MGAM: variants seen among roughly 807,000 people sequenced by gnomAD.
MGAM encodes the protein alpha-1,4-glucosidase.
Under a neutral mutation model 358.8 loss-of-function variants are expected in MGAM, and 253 were observed. The observed-to-expected ratio is 0.71, with a 90% CI of 0.64 to 0.78. The LOEUF (loss-of-function observed/expected upper bound fraction) is 0.78. MGAM is among the 30% of genes least tolerant of loss of function. MGAM has a pLI of 0.00. For synonymous variants in MGAM, 1,105 were observed against 1,227.1 expected (o/e 0.90, Z 2.08); for missense variants, 3,080 against 3,432.6 (o/e 0.90, Z 2.57).
At chr7:142,045,217 GTATATAATATATATTAT>G (rs1809978585) in intron 21 of MGAM, among the ~76,000 whole-genome samples, 1 of 63,486 alleles carries the variant, frequency 1.6e-5, no homozygotes, top group African/African-American at 5.6e-5. Context: ...TAACATATAT[GTATATAATATATATTAT>G]ATATCATATA....
intron 9 of MGAM, 93 bp from the exon 10 acceptor site, chr7:142,027,517 T>C (rs1178872466): frequency 3.7e-6 from 5 of 1,343,590 alleles, no homozygotes; most frequent in Non-Finnish European, 1.0e-6. Context: ...CATTGGGAAA[T>C]GGACTATGTT....
chr7:142,030,443 G>A lies in MGAM; in HGVS notation c.1303G>A (p.Glu435Lys). 1.9e-6 allele frequency: 3 copies of A among 1,613,644 alleles called. No homozygotes were observed. Among genetic ancestry groups the A allele is most frequent in the Non-Finnish European group, 2.5e-6 (3 of 1,179,722 alleles). Residue 435 changes from glutamate to lysine, a missense_variant, in exon 11 of 71, where the codon GAA becomes AAA. Around this residue, in one of 5 missense-constraint regions of MGAM, gnomAD observed 1,816 missense variants for 1,840.5 expected, o/e 0.99. Transcript: ENST00000475668. ...YDSVDFKGFP[E>K]FVNELHNNGQ... ...TTCAGTGGATTTTAAAGGCTTCCCTGAATTTGTCAACGAGTTACACAATAA... is the reference window on the plus strand; with the variant it reads ...TTCAGTGGATTTTAAAGGCTTCCCTAAATTTGTCAACGAGTTACACAATAA...
intron 63 of MGAM, 75 bp from the exon 64 acceptor site, chr7:142,095,490 A>G (rs1216778701): frequency 3.1e-6 from 5 of 1,597,456 alleles, no homozygotes; most frequent in East Asian, 2.2e-5. Context: ...CAATTGGAGT[A>G]TGCTTTCAGT....
chr7:142,035,139 T>G (rs1251450050), intron 16 of MGAM, among the ~76,000 whole-genome samples: 3 of 152,172 alleles, frequency 2.0e-5, no homozygotes, highest in Non-Finnish European at 4.4e-5. Context: ...CTGATGAATT[T>G]CACCACCTGA....
At chr7:142,092,644 T>A in intron 59 of MGAM, 36 bp downstream of exon 59, 1 of 1,481,516 alleles carries the variant, frequency 6.7e-7, no homozygotes, top group Non-Finnish European at 9.2e-7. Flanking sequence ...GGCAGAGCCA[T>A]GATTGAAAGA....
At chr7:142,071,459 G>A (rs1813341607) in intron 44 of MGAM, among the ~76,000 whole-genome samples, 1 of 146,442 alleles carries the variant, frequency 6.8e-6, no homozygotes, top group Admixed American at 6.9e-5. Flanking sequence ...GATTTTGAAA[G>A]ACTGTAATTC....
At chr7:142,041,979 T>C (rs1197242994) in intron 21 of MGAM, among the ~76,000 whole-genome samples, 1 of 14,394 alleles carries the variant, frequency 6.9e-5, no homozygotes, top group African/African-American at 2.0e-4. Context: ...ATTATATATA[T>C]ATAATATAAT....
Position 142,065,894 on chromosome 7 carries a change from G to T in MGAM, c.4770+63G>T, listed in dbSNP as rs147619394. On this transcript the variant is annotated intron_variant, in intron 40 of 70. Transcript: ENST00000475668. ...CTTGAAAGACAGTCTCCATTTCTGT[G>T]CTAAAAGTAATGCAGTCTCTATTTC... 6.7e-5 allele frequency: 86 copies of T among 1,277,308 alleles called. 1 individual carries two copies. In the African/African-American group the frequency reaches 1.2e-3, roughly 17 times the overall value. 79.1% of individuals were successfully genotyped at this position (1,277,308 alleles called of 1,614,324 possible).
chr7:142,034,601 T>C (rs986330354), intron 15 of MGAM, 69 bp from the exon 16 acceptor site: 2 of 1,406,132 alleles, frequency 1.4e-6, no homozygotes, highest in African/African-American at 1.4e-5. Flanking sequence ...TTTTGTATTG[T>C]TGCTGTATCC....
intron 65 of MGAM, among the ~76,000 whole-genome samples, chr7:142,097,089 C>T (rs4434539): frequency 0.62 from 93,494 of 151,776 alleles, 29,072 homozygotes; most frequent in Non-Finnish European, 0.66. Flanking sequence ...CCACCAGGCC[C>T]GGCCAATTTA....
Position 142,100,684 on chromosome 7 carries a change from G to T in MGAM, c.7875-118G>T. 3 of 814,214 alleles carry T rather than the reference G, an allele frequency of 3.7e-6. No individual in the cohort carries two copies. In the Admixed American group the frequency reaches 6.0e-5, roughly 16 times the overall value. The allele number at this position is 814,214 out of a possible 1,614,324, so 50.4% of individuals were successfully genotyped here. A position where few individuals can be genotyped will look rare whatever the true frequency, so the allele number is the denominator to read the frequency against. The stretch of plus-strand genomic sequence containing the variant: ...TAAGACACAAGTCTCTTGAATTCTA[G>T]TATGCAGTCTTTATCCCCCAAAGCA... On this transcript the variant is annotated intron_variant, in intron 67 of 70. Transcript: ENST00000475668.
rs1812521158 is a variant in MGAM, at chr7:142,064,393, C to T, written c.4355C>T (p.Ser1452Phe). ...NHPPYMPHLE[S>F]RDRGLSSKTL... ...AGTTCTTCCTCCTCAGATTTGGAGT[C>T]CAGGGACAGGGGCCTGAGCAGCAAG... is the stretch of plus-strand genomic sequence containing the variant. Residue 1452 changes from serine (S) to phenylalanine (F), a missense_variant, in exon 37 of 71, where the codon TCC (serine) becomes TTC (phenylalanine). Ser to Phe is a radical substitution (Grantham distance 155). Transcript: ENST00000475668. The T allele has an allele frequency of 6.2e-7, 1 of 1,608,068 alleles. No homozygotes were observed. The highest frequency in any genetic ancestry group is 8.5e-7 in the Non-Finnish European group (1 of 1,177,374).
chr7:142,018,822 A>G (rs1411484414), intron 3 of MGAM, among the ~76,000 whole-genome samples: 1 of 152,240 alleles, frequency 6.6e-6, no homozygotes, highest in Non-Finnish European at 1.5e-5. Context: ...AGATGATTGC[A>G]AAGTCTTATT....
chr7:142,049,779 A>T (rs1340403782), intron 22 of MGAM, among the ~76,000 whole-genome samples: 1 of 152,206 alleles, frequency 6.6e-6, no homozygotes, highest in Admixed American at 6.5e-5. Context: ...GCATGGAAAT[A>T]ATAAAAAAGA....
rs552027499 is a variant in MGAM, at chr7:142,082,586, C to A, written c.6268+15C>A. The A allele has an allele frequency of 6.8e-7, 1 of 1,479,032 alleles. No individual in the cohort carries two copies. The highest frequency in any genetic ancestry group is 1.7e-4 in the Middle Eastern group (1 of 5,866). The allele number at this position is 1,479,032 out of a possible 1,614,324, so 91.6% of individuals were successfully genotyped here. On this transcript the variant is annotated intron_variant, in intron 52 of 70. Transcript: ENST00000475668. ...CAATGCCATGGGTAAGGCCATCCAG[C>A]GCCTCCCTTATTTTGGGGGGATACC...
rs1458337820 is a variant in MGAM at position 142,091,390 on chromosome 7, C to T, written c.6811-523C>T. 4.8e-5 allele frequency among the ~76,000 whole-genome samples: 7 copies of T among 146,384 alleles called. 1 individual carries two copies. The highest frequency in any genetic ancestry group is 1.2e-4 in the African/African-American group (5 of 41,078). On this transcript the variant is annotated intron_variant, in intron 57 of 70. Transcript: ENST00000475668. Reference sequence around the variant, plus strand: ...AAGTCCTCTCAATTTATCTTCCACACAGCTGTAGTTGTCATGTGATTCTGA... The same window carrying T: ...AAGTCCTCTCAATTTATCTTCCACATAGCTGTAGTTGTCATGTGATTCTGA...
chr7:142,024,951 A>G (rs781933227), intron 7 of MGAM, 99 bp from the exon 8 acceptor site: 10 of 756,954 alleles, frequency 1.3e-5, no homozygotes, highest in Non-Finnish European at 2.3e-5. Flanking sequence ...TGTCCTGTCA[A>G]TTAGTTGCAT....
In MGAM at chr7:142,067,987, T is replaced by TAAATATATATATATATATAAA. The variant is rs1491516915; in HGVS notation, c.5004+562_5004+563insAAATATATATATATATATAAA. The stretch of plus-strand genomic sequence containing the variant: ...ATAAATATATATATATATATATATA[T>TAAATATATATATATATATAAA]TTTTTTTTTTTTTTTTTTGAGACAG... On this transcript the variant is annotated intron_variant, in intron 42 of 70. Transcript: ENST00000475668. Among the ~76,000 whole-genome samples, 2 of 6,694 alleles carry TAAATATATATATATATATAAA rather than the reference T, an allele frequency of 3.0e-4. 1 individual carries two copies. Among genetic ancestry groups the TAAATATATATATATATATAAA allele is most frequent in the Non-Finnish European group, 9.6e-4 (2 of 2,078 alleles). The allele number at this position is 6,694 out of a possible 152,430, so 4.4% of individuals were successfully genotyped here.
chr7:142,096,149 A>G (rs1563223579), intron 64 of MGAM, 182 bp from the exon 65 acceptor site: 4 of 643,026 alleles, frequency 6.2e-6, no homozygotes, highest in Non-Finnish European at 1.1e-5. Flanking sequence ...CTGAAGTTTG[A>G]GGCACATCCC....
Sources: gnomAD v4.1 joint callset for allele counts (sites outside exome capture counted in the v4.1 genomes callset) on GRCh38, gnomAD v4.1.1 for gene constraint, gnomAD v4.1.1 regional missense constraint, MANE v1.5 for transcripts, NCBI Gene and HGNC (gene_info 2026-07-23, HGNC 2026-07-21) for gene names.